AATK: variants seen among roughly 807,000 people sequenced by gnomAD.
AATK encodes lemur tail kinase 1, also known as serine/threonine-protein kinase LMTK1.
A neutral mutation model predicts 114.3 loss-of-function variants in AATK; 91 were observed. The ratio of observed to expected loss-of-function variants is 0.80; its 90% confidence interval spans 0.67 to 0.95. The LOEUF is 0.95. Among genes scored for constraint, AATK ranks in the 40% least tolerant of loss-of-function variants. The pLI, the probability that AATK is intolerant of heterozygous loss-of-function variation, is 0.00. For missense variants in AATK, 2,176 were observed against 1,965.2 expected (o/e 1.11, Z -2.03); for synonymous variants, 1,075 against 916.5 (o/e 1.17, Z -3.12).
chr17:81,159,410 G>A (rs562145133), intron 1 of AATK, among the ~76,000 whole-genome samples: 5 of 152,268 alleles, frequency 3.3e-5, no homozygotes, highest in South Asian at 4.1e-4. Context: ...GCGTGCTGCC[G>A]CGCGGGTAAA....
rs372798744 is a variant in AATK at position 81,121,075 on chromosome 17, G to A, written c.2861C>T (p.Ala954Val). ...YESPEFVLKE[A>V]QEGCEPQAFA... ...GGCCTGGGGCTCACACCCTTCCTGC[G>A]CCTCCTTGAGCACAAACTCAGGGGA... Residue 954 changes from alanine to valine, a missense_variant, in exon 11 of 14, where the codon GCG becomes GTG. Physicochemically the swap from Ala to Val is moderately conservative, Grantham distance 64. Around this residue, in one of 4 missense-constraint regions of AATK, gnomAD observed 1,701 missense variants for 1,394.7 expected, o/e 1.22. Coordinates refer to ENST00000326724, the MANE Select transcript of AATK (RefSeq NM_001080395.3). 1.1e-4 allele frequency: 175 copies of A among 1,606,524 alleles called. No individual in the cohort carries two copies. The highest frequency in any genetic ancestry group is 3.9e-4 in the Admixed American group (23 of 59,600).
Position 81,118,075 on chromosome 17 carries a change from G to A in AATK, c.*327C>T, listed in dbSNP as rs1201227841. 1.0e-5 allele frequency: 3 copies of A among 291,988 alleles called. 1 individual carries two copies. Among genetic ancestry groups the A allele is most frequent in the African/African-American group, 6.5e-5 (3 of 46,030 alleles). 18.1% of individuals were successfully genotyped at this position (291,988 alleles called of 1,614,324 possible). ...CGAGGCCAGGCAGGCAGGGCAGAGG[G>A]TGGGGGCCGCCGTGCCCAGGGGCAC... On this transcript the variant is annotated 3_prime_UTR_variant, in exon 14 of 14. Coordinates refer to ENST00000326724, the MANE Select transcript of AATK (RefSeq NM_001080395.3).
chr17:81,123,273 G>A lies in AATK; in HGVS notation c.1033C>T (p.Gln345Ter). ...TQPYPQHSDQ[Q>*]VLAYTVREQQ... ...TCCCGGACCGTGTACGCCAGCACCT[G>A]CTGGTCCGAGTGCTGGGGATAGGGC... The change falls in exon 10 of 14, where the codon CAG becomes TAG. Residue 345 changes from glutamine (Q) to a stop codon, truncating the protein, a stop_gained. Coordinates refer to ENST00000326724, the MANE Select transcript of AATK (RefSeq NM_001080395.3). LOFTEE classifies it high-confidence loss of function. 7.1e-7 allele frequency: 1 copy of A among 1,404,500 alleles called. No individual in the cohort carries two copies. Among genetic ancestry groups the A allele is most frequent in the Non-Finnish European group, 9.3e-7 (1 of 1,078,454 alleles). 87.0% of individuals were successfully genotyped at this position (1,404,500 alleles called of 1,614,324 possible). A position where few individuals can be genotyped will look rare whatever the true frequency, so the allele number is the denominator to read the frequency against.
chr17:81,146,226 T>C (rs1230600035), intron 1 of AATK, among the ~76,000 whole-genome samples: 1 of 144,764 alleles, frequency 6.9e-6, no homozygotes, highest in East Asian at 2.0e-4. Flanking sequence ...CTGGGCGTGG[T>C]GATGCACACC....
Position 81,120,506 on chromosome 17 carries a change from G to T in AATK, c.3430C>A (p.Arg1144Ser). 1 of 1,491,490 alleles carries T rather than the reference G, an allele frequency of 6.7e-7. No homozygotes were observed. The highest frequency in any genetic ancestry group is 8.9e-7 in the Non-Finnish European group (1 of 1,117,578). 92.4% of individuals were successfully genotyped at this position (1,491,490 alleles called of 1,614,324 possible). ...GGPGTPRAPL[R>S]LALPGLPAAL... ...GCAGGGAGGCCGGGCAGAGCCAGGCGGAGTGGGGCTCTGGGGGTGCCTGGG... is the reference window on the plus strand; with the variant it reads ...GCAGGGAGGCCGGGCAGAGCCAGGCTGAGTGGGGCTCTGGGGGTGCCTGGG... Residue 1144 changes from arginine to serine, a missense_variant, in exon 11 of 14, where the codon CGC (arginine) becomes AGC (serine). By Grantham distance (110) the Arg-to-Ser change is moderately radical. Coordinates refer to ENST00000326724, the MANE Select transcript of AATK (RefSeq NM_001080395.3).
At chr17:81,130,891 C>T (rs937020113) in intron 3 of AATK, among the ~76,000 whole-genome samples, 170 bp downstream of exon 3, 9 of 152,288 alleles carry the variant, frequency 5.9e-5, no homozygotes, top group African/African-American at 9.6e-5. Context: ...CGGCCTGTGA[C>T]GCAGCCACAG....
In AATK at chr17:81,120,821, G is replaced by C; in HGVS notation, c.3115C>G (p.Leu1039Val). The part of the protein sequence containing the change: ...STGQPSEQVC[L>V]RPGVSGEAQG... ...GCCTCCCCGGAAACCCCAGGCCTGAGACAGACCTGCTCAGACGGCTGCCCA... is the reference window on the plus strand; with the variant it reads ...GCCTCCCCGGAAACCCCAGGCCTGACACAGACCTGCTCAGACGGCTGCCCA... The change falls in exon 11 of 14, where the codon CTC becomes GTC. Residue 1039 changes from leucine (L) to valine (V), a missense_variant. Leu to Val is a conservative substitution (Grantham distance 32). This residue lies in a region of AATK where 1,701 missense variants were observed against 1,394.7 expected (regional missense o/e 1.22). Transcript: ENST00000326724. 1 of 1,576,672 alleles carries C rather than the reference G, an allele frequency of 6.3e-7. No homozygotes were observed. Among genetic ancestry groups the C allele is most frequent in the Non-Finnish European group, 8.6e-7 (1 of 1,161,716 alleles).
chr17:81,127,798 G>A lies in AATK; in HGVS notation c.527C>T (p.Pro176Leu). 1 of 1,518,526 alleles carries A rather than the reference G, an allele frequency of 6.6e-7. No homozygotes were observed. Among genetic ancestry groups the A allele is most frequent in the Non-Finnish European group, 8.9e-7 (1 of 1,119,404 alleles). The allele number at this position is 1,518,526 out of a possible 1,614,324, so 94.1% of individuals were successfully genotyped here. Reference sequence around the variant, plus strand: ...GTGCCCGGTGGCCTCCCACCTGTAGGGCTGCACCTCCTCCAGGAACTGCAT... The same window carrying A: ...GTGCCCGGTGGCCTCCCACCTGTAGAGCTGCACCTCCTCCAGGAACTGCAT... ...EQMQFLEEVQ[P>L]YRALKHSNLL... The change falls in exon 5 of 14, where the codon CCC becomes CTC. Residue 176 changes from proline (P) to leucine (L), a missense_variant. Around this residue, in one of 4 missense-constraint regions of AATK, gnomAD observed 273 missense variants for 344.1 expected, o/e 0.79. Transcript: ENST00000326724.
chr17:81,124,855 G>C lies in AATK; in HGVS notation c.841-7C>G. 6.2e-7 allele frequency: 1 copy of C among 1,603,330 alleles called. No individual in the cohort carries two copies. Among genetic ancestry groups the C allele is most frequent in the Admixed American group, 1.7e-5 (1 of 58,486 alleles). ...CAGTCACGAAGTAGTCCTCCTGTTG[G>C]CACAGGGACGGGTCACCCCTGCCGG... On this transcript the variant is annotated splice_polypyrimidine_tract_variant and splice_region_variant and intron_variant, in intron 8 of 13. Coordinates refer to ENST00000326724, the MANE Select transcript of AATK (RefSeq NM_001080395.3).
At position 81,127,653 on chromosome 17, in the gene AATK, T is replaced by A; in HGVS notation, c.551A>T (p.Asn184Ile). The A allele has an allele frequency of 6.3e-7, 1 of 1,592,584 alleles. No individual in the cohort carries two copies. Among genetic ancestry groups the A allele is most frequent in the Non-Finnish European group, 8.5e-7 (1 of 1,170,140 alleles). The change falls in exon 6 of 14, where the codon AAC (asparagine) becomes ATC (isoleucine). Residue 184 changes from asparagine (N) to isoleucine (I), a missense_variant. Physicochemically the swap from Asn to Ile is moderately radical, Grantham distance 149. Transcript: ENST00000326724. Reference sequence around the variant, plus strand: ...GCACTGGGCCAGGCACTGGAGCAGGTTGCTGTGCTTCAGGGCCCTGCGGGA... The same window carrying A: ...GCACTGGGCCAGGCACTGGAGCAGGATGCTGTGCTTCAGGGCCCTGCGGGA... ...VQPYRALKHS[N>I]LLQCLAQCAE...
Position 81,166,066 on chromosome 17 carries a change from C to T in AATK, c.-74G>A, listed in dbSNP as rs1332915354. On this transcript the variant is annotated 5_prime_UTR_variant, in exon 1 of 14. Transcript: ENST00000326724. ...ACGCCCGCGGCCCCGGCCCGAGCCG[C>T]CGCATCACCCAGCGGCCGCCGCAGG... 2.8e-6 allele frequency: 3 copies of T among 1,087,734 alleles called. No homozygotes were observed. Among genetic ancestry groups the T allele is most frequent in the Non-Finnish European group, 3.4e-6 (3 of 870,206 alleles). The allele number at this position is 1,087,734 out of a possible 1,614,324, so 67.4% of individuals were successfully genotyped here. A position where few individuals can be genotyped will look rare whatever the true frequency, so the allele number is the denominator to read the frequency against.
At chr17:81,160,179 C>T in intron 1 of AATK, 3 of 853,514 alleles carry the variant, frequency 3.5e-6, no homozygotes, top group Non-Finnish European at 4.2e-6. Context: ...CCACGGCCCC[C>T]ACCCCCAGGC....
At position 81,120,576 on chromosome 17, in the gene AATK, G is replaced by T. The variant is rs769038810; in HGVS notation, c.3360C>A (p.Pro1120=). Residue 1120 remains proline (P), a synonymous_variant, in exon 11 of 14, where the codon CCC becomes CCA. Coordinates refer to ENST00000326724, the MANE Select transcript of AATK (RefSeq NM_001080395.3). ...GGGCCGGCCCTGACAACAGTCCTGG[G>T]GGCCCCTGGAACTCAGAGCTGTTGC... ...SEGNSSEFQG[P]PGLLSGPAPQ... is the part of the protein sequence containing the mutation. 1 of 1,531,768 alleles carries T rather than the reference G, an allele frequency of 6.5e-7. No individual in the cohort carries two copies. The highest frequency in any genetic ancestry group is 1.3e-5 in the South Asian group (1 of 79,982). The allele number at this position is 1,531,768 out of a possible 1,614,324, so 94.9% of individuals were successfully genotyped here. A position where few individuals can be genotyped will look rare whatever the true frequency, so the allele number is the denominator to read the frequency against.
Position 81,119,479 on chromosome 17 carries a change from G to C in AATK, c.3985C>G (p.Pro1329Ala), listed in dbSNP as rs1324637624. 2 of 1,518,054 alleles carry C rather than the reference G, an allele frequency of 1.3e-6. No individual in the cohort carries two copies. Among genetic ancestry groups the C allele is most frequent in the Non-Finnish European group, 1.8e-6 (2 of 1,136,352 alleles). 94.0% of individuals were successfully genotyped at this position (1,518,054 alleles called of 1,614,324 possible). The change falls in exon 13 of 14, where the codon CCC becomes GCC. Residue 1329 changes from proline (P) to alanine (A), a missense_variant. Transcript: ENST00000326724. ...AAGCGCGAGAAGGGAGCGGGCGTGG[G>C]CGTGGGCGCAGCCGGGGCGGGTGCG... ...PAAPAPAAPT[P>A]TPAPFSRFTV...
rs773871108 is a variant in AATK, at chr17:81,119,443, G to C, written c.4021C>G (p.Pro1341Ala). Residue 1341 changes from proline (P) to alanine (A), a missense_variant, in exon 13 of 14, where the codon CCC becomes GCC. Coordinates refer to ENST00000326724, the MANE Select transcript of AATK (RefSeq NM_001080395.3). ...PAPFSRFTVS[P>A]APTSRFSITH... ...ATGGAGAAGCGGGACGTGGGCGCGG[G>C]CGACACCGTGAAGCGCGAGAAGGGA... is the stretch of plus-strand genomic sequence containing the variant. 1.3e-6 allele frequency: 2 copies of C among 1,519,556 alleles called. No individual in the cohort carries two copies. Among genetic ancestry groups the C allele is most frequent in the South Asian group, 1.3e-5 (1 of 79,672 alleles). 94.1% of individuals were successfully genotyped at this position (1,519,556 alleles called of 1,614,324 possible).
In AATK at chr17:81,121,106, A is replaced by G; in HGVS notation, c.2830T>C (p.Tyr944His). The G allele has an allele frequency of 6.2e-7, 1 of 1,605,262 alleles. No individual in the cohort carries two copies. Among genetic ancestry groups the G allele is most frequent in the Non-Finnish European group, 8.5e-7 (1 of 1,176,232 alleles). ...ALDSGYDTENYESPEFVLKEA... is the reference protein window; with the variant it reads ...ALDSGYDTENHESPEFVLKEA... Reference sequence around the variant, plus strand: ...TTGAGCACAAACTCAGGGGACTCATAGTTCTCGGTGTCATAGCCACTGTCC... The same window carrying G: ...TTGAGCACAAACTCAGGGGACTCATGGTTCTCGGTGTCATAGCCACTGTCC... The change falls in exon 11 of 14, where the codon TAT (tyrosine) becomes CAT (histidine). Residue 944 changes from tyrosine to histidine, a missense_variant. Transcript: ENST00000326724.
At chr17:81,143,467 C>T (rs1036929535) in intron 1 of AATK, among the ~76,000 whole-genome samples, 3 of 97,284 alleles carry the variant, frequency 3.1e-5, no homozygotes, top group Non-Finnish European at 6.2e-5. Context: ...AGCCCCCACC[C>T]CTTGTGTCCA....
intron 1 of AATK, among the ~76,000 whole-genome samples, chr17:81,146,551 A>G (rs1371431141): frequency 6.6e-6 from 1 of 151,780 alleles, no homozygotes; most frequent in Non-Finnish European, 1.5e-5. Context: ...CCTTGTCTCT[A>G]CTAAAAATAC....
chr17:81,127,990 C>T (rs1347559571), intron 4 of AATK, 80 bp from the exon 5 acceptor site: 5 of 1,511,230 alleles, frequency 3.3e-6, no homozygotes, highest in Non-Finnish European at 4.5e-6. Context: ...CTCCCACCCG[C>T]CCCACGCCGG....
Sources: gnomAD v4.1 joint callset for allele counts (sites outside exome capture counted in the v4.1 genomes callset) on GRCh38, gnomAD v4.1.1 for gene constraint, gnomAD v4.1.1 regional missense constraint, MANE v1.5 for transcripts, NCBI Gene and HGNC (gene_info 2026-07-23, HGNC 2026-07-21) for gene names.